MTX2: variants seen among roughly 807,000 people sequenced by gnomAD.
MTX2 encodes the protein metaxin 2, also known as metaxin-2.
In MTX2, 35 loss-of-function variants were observed where a neutral mutation model predicts 42.3. The observed-to-expected ratio is 0.83, with a 90% CI of 0.63 to 1.10. MTX2 has a LOEUF of 1.10. Ranked by LOEUF, MTX2 falls within the 50% of genes least tolerant of loss-of-function variation. MTX2 has a pLI of 0.00. For synonymous variants in MTX2, 119 were observed against 100.9 expected (o/e 1.18, Z -1.08); for missense variants, 307 against 304.1 (o/e 1.01, Z -0.07).
chr2:176,333,288 G>A (rs1056402828), intron 9 of MTX2, among the ~76,000 whole-genome samples: 7 of 151,418 alleles, frequency 4.6e-5, no homozygotes, highest in South Asian at 2.1e-4. Flanking sequence ...TTCTCTTCAC[G>A]TGATATAGCA....
intron 9 of MTX2, among the ~76,000 whole-genome samples, chr2:176,336,307 GA>G (rs1467644196): frequency 6.6e-6 from 1 of 151,928 alleles, no homozygotes; most frequent in African/African-American, 2.4e-5. Flanking sequence ...TAATTACAGA[GA>G]AAAAAATTCC....
At chr2:176,297,939 G>GT in intron 3 of MTX2, 44 bp downstream of exon 3, 1 of 1,432,952 alleles carries the variant, frequency 7.0e-7, no homozygotes, top group Non-Finnish European at 9.5e-7. Flanking sequence ...CCCCTAGGTG[G>GT]TTTGCATCAT....
At chr2:176,333,226 T>C (rs537311758) in intron 9 of MTX2, among the ~76,000 whole-genome samples, 204 of 151,688 alleles carry the variant, frequency 1.3e-3, no homozygotes, top group Admixed American at 2.8e-3. Context: ...CTATCTATAT[T>C]TGAATTATAA....
chr2:176,332,686 AT>A (rs1684891129), intron 9 of MTX2, among the ~76,000 whole-genome samples: 1 of 151,380 alleles, frequency 6.6e-6, no homozygotes, highest in Non-Finnish European at 1.5e-5. Context: ...AAGGGGCTTG[AT>A]TTACAAAACT....
chr2:176,269,783 C>T (rs1387424427), intron 1 of MTX2, 114 bp downstream of exon 1: 14 of 1,283,926 alleles, frequency 1.1e-5, no homozygotes, highest in Admixed American at 2.9e-5. Flanking sequence ...GAACCCGGCC[C>T]GGATGGTGGA....
Position 176,337,693 on chromosome 2 carries a change from C to T in MTX2, c.*29C>T. On this transcript the variant is annotated 3_prime_UTR_variant, in exon 10 of 10. Coordinates refer to ENST00000249442, the MANE Select transcript of MTX2 (RefSeq NM_006554.5). ...TATGTGTTAGTCTCAGGAGTCTTAA[C>T]TTTTGAAATATGTTTTACTTGAATG... 1 of 1,494,036 alleles carries T rather than the reference C, an allele frequency of 6.7e-7. No individual in the cohort carries two copies. Among genetic ancestry groups the T allele is most frequent in the South Asian group, 1.4e-5 (1 of 71,864 alleles). 92.5% of individuals were successfully genotyped at this position (1,494,036 alleles called of 1,614,324 possible). A position where few individuals can be genotyped will look rare whatever the true frequency, so the allele number is the denominator to read the frequency against.
At chr2:176,318,424 T>A (rs1377622217) in intron 3 of MTX2, among the ~76,000 whole-genome samples, 1 of 152,210 alleles carries the variant, frequency 6.6e-6, no homozygotes, top group East Asian at 1.9e-4. Context: ...TACGTGTACA[T>A]ATACATATGT....
intron 5 of MTX2, among the ~76,000 whole-genome samples, chr2:176,327,774 T>C (rs1396096421): frequency 6.6e-6 from 1 of 150,848 alleles, no homozygotes; most frequent in Admixed American, 6.6e-5. Context: ...GAGAGTGGTA[T>C]TAGGATGTCA....
intron 1 of MTX2, among the ~76,000 whole-genome samples, chr2:176,279,616 CTATTACTGT>C (rs1693032880): frequency 6.6e-6 from 1 of 151,992 alleles, no homozygotes; most frequent in African/African-American, 2.4e-5. Flanking sequence ...GTTATTTTTA[CTATTACTGT>C]TATTACTGTT....
At chr2:176,335,053 A>T (rs1481176009) in intron 9 of MTX2, among the ~76,000 whole-genome samples, 4 of 151,738 alleles carry the variant, frequency 2.6e-5, no homozygotes, top group Admixed American at 2.0e-4. Flanking sequence ...AGCAAAAAAA[A>T]AATTATATGG....
In MTX2 at chr2:176,305,228, AAT is replaced by A. The variant is rs1684111154; in HGVS notation, c.135+7338_135+7339del. ...GAGTTACTATTAGTTAATTAAAAAG[AAT>A]ATATGTTCCTTCCATCTACTAGTTC... On this transcript the variant is annotated intron_variant, in intron 3 of 9. Transcript: ENST00000249442. Among the ~76,000 whole-genome samples the A allele has an allele frequency of 4.6e-5, 7 of 152,192 alleles. No individual in the cohort carries two copies. In the South Asian group the frequency reaches 1.4e-3, roughly 32 times the overall value.
intron 1 of MTX2, among the ~76,000 whole-genome samples, chr2:176,280,762 C>T (rs1036083831): frequency 6.6e-6 from 1 of 152,186 alleles, no homozygotes; most frequent in African/African-American, 2.4e-5. Context: ...TAGCAGTATA[C>T]TTAATATATA....
intron 5 of MTX2, among the ~76,000 whole-genome samples, chr2:176,328,007 TAAAC>T (rs1205467459): frequency 6.6e-6 from 1 of 151,236 alleles, no homozygotes; most frequent in African/African-American, 2.4e-5. Flanking sequence ...GTTAATCTCT[TAAAC>T]AAGGTTTGCT....
intron 3 of MTX2, among the ~76,000 whole-genome samples, chr2:176,298,713 C>T (rs1029182434): frequency 6.6e-6 from 1 of 152,068 alleles, no homozygotes; most frequent in Non-Finnish European, 1.5e-5. Context: ...GTAGTCATGC[C>T]TTGATAACCA....
intron 1 of MTX2, among the ~76,000 whole-genome samples, chr2:176,290,256 G>C (rs1693297456): frequency 6.6e-6 from 1 of 152,044 alleles, no homozygotes; most frequent in Non-Finnish European, 1.5e-5. Flanking sequence ...TACTCTGGTT[G>C]ATACAAGGGT....
intron 3 of MTX2, among the ~76,000 whole-genome samples, chr2:176,308,922 G>A (rs1020694837): frequency 6.6e-6 from 1 of 151,938 alleles, no homozygotes; most frequent in African/African-American, 2.4e-5. Context: ...GTTATTTCTT[G>A]CCTTCTGCTA....
intron 3 of MTX2, among the ~76,000 whole-genome samples, chr2:176,311,773 G>T (rs1004572272): frequency 1.3e-5 from 2 of 152,222 alleles, no homozygotes; most frequent in Non-Finnish European, 2.9e-5. Context: ...ACAGTATTTG[G>T]GTGGAAGTGT....
At chr2:176,285,144 GGCT>G (rs1410802871) in intron 1 of MTX2, among the ~76,000 whole-genome samples, 1 of 152,156 alleles carries the variant, frequency 6.6e-6, no homozygotes, top group East Asian at 1.9e-4. Context: ...TTCAAATCCT[GGCT>G]GCTGTCACTT....
At chr2:176,292,843 A>G (rs182182760) in intron 1 of MTX2, among the ~76,000 whole-genome samples, 212 of 152,322 alleles carry the variant, frequency 1.4e-3, no homozygotes, top group African/African-American at 4.4e-3. Flanking sequence ...TTTTATTTAA[A>G]AAACTGTTAT....
Sources: gnomAD v4.1 joint callset for allele counts (sites outside exome capture counted in the v4.1 genomes callset) on GRCh38, gnomAD v4.1.1 for gene constraint, MANE v1.5 for transcripts, NCBI Gene and HGNC (gene_info 2026-07-23, HGNC 2026-07-21) for gene names.